Variants in CYRIA observed in about 807,000 individuals in gnomAD.
The protein encoded by CYRIA is CYFIP related Rac1 interactor A.
Under a neutral mutation model 43.9 loss-of-function variants are expected in CYRIA, and 15 were observed. That is an observed-to-expected ratio of 0.34 (90% confidence interval 0.23 to 0.53). The LOEUF is 0.53. CYRIA is among the 20% of genes least tolerant of loss of function. The pLI, the probability that CYRIA is intolerant of heterozygous loss-of-function variation, is 0.94. For synonymous variants in CYRIA, 117 were observed against 136.0 expected, an observed-to-expected ratio of 0.86 and a Z score of 0.97; for missense variants, 236 against 394.2, an observed-to-expected ratio of 0.60 and a Z score of 3.40.
chr2:16,655,146 C>T (rs1408118568), intron 1 of CYRIA, among the ~76,000 whole-genome samples: 4 of 152,172 alleles, frequency 2.6e-5, no homozygotes, highest in Non-Finnish European at 4.4e-5. Flanking sequence ...CTCACTCGCT[C>T]GCCCCAAGTG....
intron 2 of CYRIA, among the ~76,000 whole-genome samples, chr2:16,615,618 A>T (rs367907347): frequency 4.6e-5 from 7 of 152,352 alleles, no homozygotes; most frequent in Admixed American, 2.6e-4. Flanking sequence ...ATGAGATCAC[A>T]CAGAGGTAGA....
chr2:16,600,072 CCAAA>C (rs1306189714), intron 2 of CYRIA, among the ~76,000 whole-genome samples: 1 of 152,122 alleles, frequency 6.6e-6, no homozygotes, highest in Non-Finnish European at 1.5e-5. Flanking sequence ...TACTTTTTAA[CCAAA>C]CAGTTGTGTC....
At chr2:16,574,514 C>T (rs1667254734) in intron 3 of CYRIA, among the ~76,000 whole-genome samples, 1 of 152,224 alleles carries the variant, frequency 6.6e-6, no homozygotes, top group African/African-American at 2.4e-5. Flanking sequence ...TTTCCCATTA[C>T]AGGCCTGGAA....
chr2:16,614,845 C>T (rs1355111373), intron 2 of CYRIA, among the ~76,000 whole-genome samples: 1 of 152,210 alleles, frequency 6.6e-6, no homozygotes, highest in Non-Finnish European at 1.5e-5. Flanking sequence ...CTACTGGATG[C>T]CAAGCTCTTT....
intron 1 of CYRIA, among the ~76,000 whole-genome samples, chr2:16,631,629 T>C (rs1463481229): frequency 1.3e-5 from 2 of 152,200 alleles, no homozygotes; most frequent in African/African-American, 2.4e-5. Context: ...AAAATGAGAA[T>C]AACAACTTCA....
chr2:16,604,936 A>G (rs1180382683), intron 2 of CYRIA, among the ~76,000 whole-genome samples: 1 of 152,258 alleles, frequency 6.6e-6, no homozygotes, highest in Non-Finnish European at 1.5e-5. Flanking sequence ...TCATCTGACA[A>G]TAAAAATGAG....
intron 11 of CYRIA, 145 bp from the exon 12 acceptor site, chr2:16,553,144 G>T: frequency 1.6e-6 from 1 of 635,094 alleles, no homozygotes. Context: ...AGTCATCTCA[G>T]ATTTAATATT....
chr2:16,616,617 G>A (rs1365540302), intron 2 of CYRIA, among the ~76,000 whole-genome samples: 1 of 152,226 alleles, frequency 6.6e-6, no homozygotes, highest in African/African-American at 2.4e-5. Flanking sequence ...GCTGGCCTCG[G>A]CTTTGCAACT....
Position 16,552,674 on chromosome 2 carries a change from C to T in CYRIA, c.*262G>A, listed in dbSNP as rs188384201. The T allele has an allele frequency of 3.1e-4, 129 of 418,232 alleles. No individual in the cohort carries two copies. The East Asian group carries it at 5.1e-3, about 16-fold the overall frequency. The allele number at this position is 418,232 out of a possible 1,614,324, so 25.9% of individuals were successfully genotyped here. A position where few individuals can be genotyped will look rare whatever the true frequency, so the allele number is the denominator to read the frequency against. On this transcript the variant is annotated 3_prime_UTR_variant, in exon 12 of 12. Transcript: ENST00000381323. ...TATCGTTATAGATGTTGTTAAAGGA[C>T]TCCAGTAGCAAAGATCAAAGTCTCC...
chr2:16,622,842 A>T (rs1044089995), intron 2 of CYRIA: 1 of 152,256 alleles, frequency 6.6e-6, no homozygotes, highest in African/African-American at 2.4e-5. Flanking sequence ...TGAGATAAAC[A>T]TGTTCCCCAA....
At chr2:16,590,651 G>A (rs529089273) in intron 2 of CYRIA, among the ~76,000 whole-genome samples, 1 of 152,056 alleles carries the variant, frequency 6.6e-6, no homozygotes, top group East Asian at 1.9e-4. Flanking sequence ...CTCTTCAAAA[G>A]GTTATCTCAG....
chr2:16,605,368 C>A (rs899595969), intron 2 of CYRIA, among the ~76,000 whole-genome samples: 34 of 152,330 alleles, frequency 2.2e-4, no homozygotes, highest in African/African-American at 7.7e-4. Flanking sequence ...GACATGGAAG[C>A]AATCAAACTG....
At chr2:16,557,385 T>C (rs1666560341) in intron 10 of CYRIA, among the ~76,000 whole-genome samples, 1 of 151,818 alleles carries the variant, frequency 6.6e-6, no homozygotes, top group African/African-American at 2.4e-5. Context: ...AGCATGCCCT[T>C]TGTAAGTACA....
chr2:16,561,194 G>C lies in CYRIA; in HGVS notation c.597C>G (p.Thr199=). 1.9e-6 allele frequency: 3 copies of C among 1,613,702 alleles called. No homozygotes were observed. The highest frequency in any genetic ancestry group is 2.2e-5 in the East Asian group (1 of 44,856). The change falls in exon 8 of 12, where the codon ACC becomes ACG. Residue 199 remains threonine, a synonymous_variant. Transcript: ENST00000381323. ...FYAEATPMLK[T]LSNATMHFVS... ...CAAAGTGCATTGTGGCATTGCTAAG[G>C]GTTTTCAGCATTGGCGTGGCTTCTG...
At chr2:16,610,150 A>G (rs1173734204) in intron 2 of CYRIA, among the ~76,000 whole-genome samples, 1 of 152,242 alleles carries the variant, frequency 6.6e-6, no homozygotes, top group Non-Finnish European at 1.5e-5. Flanking sequence ...TGCTAAATAC[A>G]TATAGTGTCA....
At chr2:16,647,260 G>A (rs1330561444) in intron 1 of CYRIA, among the ~76,000 whole-genome samples, 3 of 152,154 alleles carry the variant, frequency 2.0e-5, no homozygotes, top group African/African-American at 7.2e-5. Flanking sequence ...TTGAAATTTA[G>A]CTTTCCTGTA....
chr2:16,652,894 T>C (rs1670012175), intron 1 of CYRIA, among the ~76,000 whole-genome samples: 1 of 152,218 alleles, frequency 6.6e-6, no homozygotes, highest in Non-Finnish European at 1.5e-5. Context: ...GCCCATGTGA[T>C]GCTTGTCCAG....
intron 1 of CYRIA, among the ~76,000 whole-genome samples, chr2:16,660,651 A>G (rs2103559243): frequency 6.6e-6 from 1 of 152,316 alleles, no homozygotes; most frequent in East Asian, 1.9e-4. Context: ...TCTCATTTTT[A>G]TGCTTGATCC....
intron 1 of CYRIA, among the ~76,000 whole-genome samples, chr2:16,656,088 A>T (rs1242326033): frequency 6.6e-6 from 1 of 152,184 alleles, no homozygotes; most frequent in Non-Finnish European, 1.5e-5. Context: ...TTGTCCAGAG[A>T]GTGCCTGGCA....
Sources: allele counts gnomAD v4.1 joint callset (sites outside exome capture counted in the v4.1 genomes callset), GRCh38; gene constraint gnomAD v4.1.1; transcripts MANE v1.5; gene names NCBI Gene and HGNC (gene_info 2026-07-23, HGNC 2026-07-21).